The following CEP72 variants were observed in gnomAD, a reference collection of about 807,000 sequenced individuals.
CEP72 encodes the protein centrosomal protein of 72 kDa.
In CEP72, 78 loss-of-function variants were observed where a neutral mutation model predicts 65.7. The observed-to-expected ratio is 1.19, with a 90% CI of 0.99 to 1.43. The LOEUF is 1.43. Among genes scored for constraint, CEP72 ranks in the 40% most tolerant of loss-of-function variants. The pLI is 0.00. For synonymous variants in CEP72, 358 were observed against 351.7 expected (o/e 1.02, Z -0.20); for missense variants, 914 against 832.9 (o/e 1.10, Z -1.20).
At chr5:637,393 A>G in intron 6 of CEP72, 124 bp from the exon 7 acceptor site, 1 of 779,840 alleles carries the variant, frequency 1.3e-6, no homozygotes, top group Non-Finnish European at 2.1e-6. Flanking sequence ...TACATATGTA[A>G]GTGTGCGTGT....
At chr5:656,734 C>G (rs1168001790), downstream of CEP72, among the ~76,000 whole-genome samples, 2 of 152,086 alleles carry the variant, frequency 1.3e-5, no homozygotes, top group African/African-American at 2.4e-5. Flanking sequence ...TCCTGTTGTT[C>G]TGGATTTTTA....
chr5:628,034 A>ATT (rs1349105603), intron 4 of CEP72, among the ~76,000 whole-genome samples: 1 of 152,220 alleles, frequency 6.6e-6, no homozygotes, highest in Non-Finnish European at 1.5e-5. Flanking sequence ...TGCACGTAAG[A>ATT]TTACTCTTTA....
intron 11 of CEP72, among the ~76,000 whole-genome samples, chr5:651,910 G>A (rs897097392): frequency 1.9e-4 from 29 of 150,878 alleles, no homozygotes; most frequent in African/African-American, 6.8e-4. Context: ...ACACTTACCT[G>A]GGTTCGACCA....
downstream of CEP72, among the ~76,000 whole-genome samples, chr5:670,560 G>A (rs571326911): frequency 9.2e-5 from 14 of 152,192 alleles, no homozygotes; most frequent in East Asian, 3.9e-4. Flanking sequence ...TGGGCCCCAC[G>A]GGGGGAGGGG....
chr5:651,537 G>A (rs371643833), intron 11 of CEP72, among the ~76,000 whole-genome samples: 1 of 152,012 alleles, frequency 6.6e-6, no homozygotes, highest in East Asian at 1.9e-4. Flanking sequence ...ACTGCAGTGC[G>A]TGTTCAGTTG....
chr5:659,630 TAG>T (rs1739500380), downstream of CEP72, among the ~76,000 whole-genome samples: 1 of 152,232 alleles, frequency 6.6e-6, no homozygotes, highest in African/African-American at 2.4e-5. Context: ...ACACCAGTGC[TAG>T]AGCAGGACTC....
At position 653,015 on chromosome 5, in the gene CEP72, G is replaced by T. The variant is rs868214285; in HGVS notation, c.1806G>T (p.Leu602=). 1.8e-5 allele frequency: 29 copies of T among 1,612,966 alleles called. No homozygotes were observed. The Middle Eastern group carries it at 4.8e-3, about 267-fold the overall frequency. The change falls in exon 12 of 12, where the codon CTG becomes CTT. Residue 602 remains leucine (L), a synonymous_variant. Coordinates refer to ENST00000264935, the MANE Select transcript of CEP72 (RefSeq NM_018140.4). ...CCCTGGTCAGCACCAATGAACACCT[G>T]CTGCAGGAGCTGAGCCAGGTGCGGG... ...HSSLVSTNEH[L]LQELSQVRAQ...
chr5:649,110 T>C (rs1272759223), intron 11 of CEP72, among the ~76,000 whole-genome samples: 3 of 120,186 alleles, frequency 2.5e-5, no homozygotes, highest in Non-Finnish European at 5.1e-5. Flanking sequence ...AGGTGTGGAC[T>C]GTGAGGTGTG....
Position 626,069 on chromosome 5 carries a change from G to A in CEP72, c.512+1490G>A, listed in dbSNP as rs146956373. On this transcript the variant is annotated intron_variant, in intron 4 of 11. Transcript: ENST00000264935. ...GGGGCAGGGGGGGGCGGCACAGTGC[G>A]CCACTCCTGACACCTGGAATCCTGC... Among the ~76,000 whole-genome samples the A allele has an allele frequency of 6.6e-5, 10 of 152,214 alleles. No homozygotes were observed. In the East Asian group the frequency reaches 7.7e-4, roughly 12 times the overall value.
chr5:657,869 T>C (rs376710835), downstream of CEP72, among the ~76,000 whole-genome samples: 14 of 152,366 alleles, frequency 9.2e-5, no homozygotes, highest in African/African-American at 2.6e-4. Context: ...TTGGACGTTG[T>C]GTGAGTAATA....
Position 612,407 on chromosome 5 carries a change from C to G in CEP72, c.46C>G (p.Arg16Gly). 6.7e-7 allele frequency: 1 copy of G among 1,486,674 alleles called. No individual in the cohort carries two copies. Among genetic ancestry groups the G allele is most frequent in the Non-Finnish European group, 8.9e-7 (1 of 1,123,350 alleles). The allele number at this position is 1,486,674 out of a possible 1,614,324, so 92.1% of individuals were successfully genotyped here. Residue 16 changes from arginine to glycine, a missense_variant, in exon 1 of 12, where the codon CGG (arginine) becomes GGG (glycine). Physicochemically the swap from Arg to Gly is moderately radical, Grantham distance 125 (BLOSUM62 -2). Coordinates refer to ENST00000264935, the MANE Select transcript of CEP72 (RefSeq NM_018140.4). ...GCTGGTGCTGAGCGAGGAGGCGGTT[C>G]GGGCGAAGAGCGGCTTAGGGCCTCA... ...PRLVLSEEAV[R>G]AKSGLGPHRD... is the part of the protein sequence containing the mutation.
intron 4 of CEP72, among the ~76,000 whole-genome samples, chr5:627,520 A>T (rs1374618493): frequency 6.6e-6 from 1 of 152,146 alleles, no homozygotes; most frequent in Non-Finnish European, 1.5e-5. Context: ...CTGTACTGAA[A>T]ACTGGCTGTT....
In CEP72 at chr5:666,494, G is replaced by A. The variant is rs544572523; in HGVS notation, n.593-370G>A. 2.0e-4 allele frequency among the ~76,000 whole-genome samples: 30 copies of A among 152,308 alleles called. No homozygotes were observed. The East Asian group carries it at 2.7e-3, about 14-fold the overall frequency. On this transcript the variant is annotated intron_variant and non_coding_transcript_variant, in intron 4 of 4. Coordinates refer to the CEP72 transcript ENST00000514507. ...GGGTCCTAGGACCTGCTGGGGCCCCGGCTCTGCCTGTGTGTGTTGGGGTCC... is the reference window on the plus strand; with the variant it reads ...GGGTCCTAGGACCTGCTGGGGCCCCAGCTCTGCCTGTGTGTGTTGGGGTCC...
Position 633,805 on chromosome 5 carries a change from G to A in CEP72, c.549G>A (p.Leu183=), listed in dbSNP as rs1275036671. 1.4e-5 allele frequency: 23 copies of A among 1,614,098 alleles called. No homozygotes were observed. The highest frequency in any genetic ancestry group is 1.9e-5 in the Non-Finnish European group (23 of 1,180,054). Residue 183 remains leucine, a synonymous_variant, in exon 5 of 12, where the codon TTG becomes TTA. Transcript: ENST00000264935. The part of the protein sequence containing the change: ...HHPRAKCTEA[L]AKQSLVMDAD... Reference sequence around the variant, plus strand: ...CCAGAGCCAAGTGCACCGAGGCCTTGGCCAAGCAGAGCCTGGTCATGGATG... The same window carrying A: ...CCAGAGCCAAGTGCACCGAGGCCTTAGCCAAGCAGAGCCTGGTCATGGATG...
At chr5:644,549 AG>A (rs1738288969) in intron 10 of CEP72, 124 bp downstream of exon 10, 2 of 1,148,328 alleles carry the variant, frequency 1.7e-6, no homozygotes, top group Non-Finnish European at 2.5e-6. Flanking sequence ...GTAAGTGGGG[AG>A]CCGAGCCCCT....
intron 1 of CEP72, chr5:662,275 C>G (rs764359922): frequency 1.3e-5 from 2 of 152,628 alleles, no homozygotes; most frequent in African/African-American, 4.8e-5. Context: ...CCTGCGAGGT[C>G]GGGTGGTGCC....
At chr5:654,111 CTGTG>C (rs371811905), downstream of CEP72, among the ~76,000 whole-genome samples, 6,456 of 137,270 alleles carry the variant, frequency 0.047, 462 homozygotes, top group African/African-American at 0.16. Context: ...TGTGTGCTAG[CTGTG>C]TGTGTGTGCT....
rs770068105 is a variant in CEP72, at chr5:639,129, C to G, written c.1247C>G (p.Thr416Arg). The G allele has an allele frequency of 6.2e-7, 1 of 1,613,148 alleles. No individual in the cohort carries two copies. The highest frequency in any genetic ancestry group is 1.7e-5 in the Admixed American group (1 of 59,994). Residue 416 changes from threonine to arginine, a missense_variant, in exon 8 of 12, where the codon ACG (threonine) becomes AGG (arginine). By Grantham distance (71) the Thr-to-Arg change is moderately conservative. Transcript: ENST00000264935. Reference sequence around the variant, plus strand: ...CACTCGGCTCTACCCGGGAAGAAGACGGCCCTGCAGGCGGCGCTCCTGGAG... The same window carrying G: ...CACTCGGCTCTACCCGGGAAGAAGAGGGCCCTGCAGGCGGCGCTCCTGGAG... Reference protein sequence around the residue: ...GSHSALPGKKTALQAALLETL... With the variant: ...GSHSALPGKKRALQAALLETL...
chr5:666,751 C>T (rs2126869046), intron 4 of CEP72: 1 of 152,444 alleles, frequency 6.6e-6, no homozygotes, highest in East Asian at 1.9e-4. Flanking sequence ...ACAGTCCACG[C>T]CTTACAACAT....
Sources: allele counts gnomAD v4.1 joint callset (sites outside exome capture counted in the v4.1 genomes callset), GRCh38; gene constraint gnomAD v4.1.1; transcripts MANE v1.5; gene names NCBI Gene and HGNC (gene_info 2026-07-23, HGNC 2026-07-21).